The following EIF4A3 variants were observed in gnomAD, a reference collection of about 807,000 sequenced individuals.
EIF4A3 encodes eukaryotic initiation factor 4A-III.
A neutral mutation model predicts 55.6 loss-of-function variants in EIF4A3; 1 was observed. That is an observed-to-expected ratio of 0.02 (90% CI 0.01 to 0.09). EIF4A3 has a LOEUF of 0.09. EIF4A3 is among the 10% of genes least tolerant of loss of function. The pLI is 1.00. For missense variants in EIF4A3, 221 were observed against 540.7 expected (o/e 0.41, Z 5.86); for synonymous variants, 194 against 196.3 (o/e 0.99, Z 0.10).
chr17:80,139,271 A>G, intron 6 of EIF4A3, 109 bp from the exon 7 acceptor site: 1 of 1,434,664 alleles, frequency 7.0e-7, no homozygotes. Context: ...GTGATAAGGT[A>G]CGTTTGACAG....
intron 1 of EIF4A3, among the ~76,000 whole-genome samples, chr17:80,145,251 A>T (rs2039649866): frequency 6.6e-6 from 1 of 152,146 alleles, no homozygotes; most frequent in African/African-American, 2.4e-5. Flanking sequence ...CACTTTGTCC[A>T]AACTGTTGTG....
intron 1 of EIF4A3, among the ~76,000 whole-genome samples, chr17:80,146,536 T>C (rs1232609449): frequency 1.3e-5 from 2 of 152,284 alleles, no homozygotes; most frequent in East Asian, 3.9e-4. Context: ...CTGAGGTGCC[T>C]CGAAGCGGCT....
chr17:80,141,379 A>G lies in EIF4A3; in HGVS notation c.312T>C (p.Val104=), dbSNP rs754091837. ...ISVLQCLDIQ[V]RETQALILAP... ...CCAAGATCAAAGCTTGAGTTTCACG[A>G]ACCTGGTGAAATAATTTATCAGAAA... is the stretch of plus-strand genomic sequence containing the variant. Residue 104 remains valine (V), a splice_region_variant and synonymous_variant, in exon 4 of 12, where the codon GTT becomes GTC. Transcript: ENST00000649764. The G allele has an allele frequency of 8.7e-6, 14 of 1,613,804 alleles. No individual in the cohort carries two copies. In the South Asian group the frequency reaches 1.3e-4, roughly 15 times the overall value.
At chr17:80,138,516 G>C (rs1470451679) in intron 7 of EIF4A3, 2 of 481,228 alleles carry the variant, frequency 4.2e-6, no homozygotes, top group Non-Finnish European at 7.3e-6. Flanking sequence ...GATTCTAAAC[G>C]AAACACTGAT....
At position 80,134,942 on chromosome 17, in the gene EIF4A3, G is replaced by A. The variant is rs1598602365; in HGVS notation, c.*548C>T. Among the ~76,000 whole-genome samples, 2 of 152,078 alleles carry A rather than the reference G, an allele frequency of 1.3e-5. No individual in the cohort carries two copies. Among genetic ancestry groups the A allele is most frequent in the East Asian group, 3.9e-4 (2 of 5,180 alleles). On this transcript the variant is annotated 3_prime_UTR_variant, in exon 12 of 12. Transcript: ENST00000649764. ...CGAGGTGGGTGGATCACGAGGTCAG[G>A]AGATCGAGACCATCTTGGCTAACAC... is the stretch of plus-strand genomic sequence containing the variant.
intron 6 of EIF4A3, 99 bp from the exon 7 acceptor site, chr17:80,139,261 G>C (rs761661436): frequency 5.6e-5 from 84 of 1,490,958 alleles, no homozygotes; most frequent in Non-Finnish European, 6.3e-5. Flanking sequence ...AGGCAGAGTG[G>C]TGATAAGGTA....
Position 80,135,303 on chromosome 17 carries a change from T to C in EIF4A3, c.*187A>G. The stretch of plus-strand genomic sequence containing the variant: ...TTAATGAAAAAGACTTAGAACAATG[T>C]ATTATTTACATGTAAATAAGAAAAG... On this transcript the variant is annotated 3_prime_UTR_variant, in exon 12 of 12. Coordinates refer to ENST00000649764, the MANE Select transcript of EIF4A3 (RefSeq NM_014740.4). The C allele has an allele frequency of 1.7e-6, 1 of 578,558 alleles. No individual in the cohort carries two copies. Among genetic ancestry groups the C allele is most frequent in the Non-Finnish European group, 2.9e-6 (1 of 344,592 alleles). 35.8% of individuals were successfully genotyped at this position (578,558 alleles called of 1,614,324 possible). A position where few individuals can be genotyped will look rare whatever the true frequency, so the allele number is the denominator to read the frequency against.
In EIF4A3 at chr17:80,140,311, T is replaced by G. The variant is rs1365540621; in HGVS notation, c.373-171A>C. On this transcript the variant is annotated intron_variant, in intron 4 of 11. Coordinates refer to ENST00000649764, the MANE Select transcript of EIF4A3 (RefSeq NM_014740.4). ...TTCTCTGACAAAAACAAGTTAATTT[T>G]GCTTTTTTTTTTTTTTTTTTGAGAC... The G allele has an allele frequency of 3.7e-5, 33 of 881,904 alleles. No homozygotes were observed. In the East Asian group the frequency reaches 1.1e-3, roughly 30 times the overall value. 54.6% of individuals were successfully genotyped at this position (881,904 alleles called of 1,614,324 possible).
rs1394620521 is a variant in EIF4A3, at chr17:80,135,224, G to A, written c.*266C>T. 2.6e-6 allele frequency: 1 copy of A among 385,682 alleles called. No homozygotes were observed. 23.9% of individuals were successfully genotyped at this position (385,682 alleles called of 1,614,324 possible). A position where few individuals can be genotyped will look rare whatever the true frequency, so the allele number is the denominator to read the frequency against. On this transcript the variant is annotated 3_prime_UTR_variant, in exon 12 of 12. Coordinates refer to ENST00000649764, the MANE Select transcript of EIF4A3 (RefSeq NM_014740.4). ...CCCAAGACTACACAGTAAGTTACTA[G>A]AGAAGGTGGTGGCACCTTAGAAGTA...
chr17:80,139,511 AG>A, intron 6 of EIF4A3, 158 bp downstream of exon 6: 1 of 693,620 alleles, frequency 1.4e-6, no homozygotes, highest in South Asian at 2.0e-5. Flanking sequence ...AAATCAAGGT[AG>A]GAATTTTTTG....
At position 80,138,506 on chromosome 17, in the gene EIF4A3, G is replaced by A. The variant is rs1051670870; in HGVS notation, c.729-226C>T. The A allele has an allele frequency of 4.7e-5, 24 of 514,630 alleles. No homozygotes were observed. The East Asian group carries it at 6.6e-4, about 14-fold the overall frequency. 31.9% of individuals were successfully genotyped at this position (514,630 alleles called of 1,614,324 possible). A position where few individuals can be genotyped will look rare whatever the true frequency, so the allele number is the denominator to read the frequency against. ...TCACAATGTGCACCACATGGAATAC[G>A]ATTCTAAACGAAACACTGATAAATA... is the stretch of plus-strand genomic sequence containing the variant. On this transcript the variant is annotated intron_variant, in intron 7 of 11. Transcript: ENST00000649764.
chr17:80,146,702 G>T, intron 1 of EIF4A3, 91 bp downstream of exon 1: 1 of 1,444,250 alleles, frequency 6.9e-7, no homozygotes, highest in African/African-American at 1.5e-5. Flanking sequence ...CCGGAGCGCA[G>T]GGCCGGCCCG....
chr17:80,135,442 G>A lies in EIF4A3; in HGVS notation c.*48C>T. 6.5e-7 allele frequency: 1 copy of A among 1,538,886 alleles called. No homozygotes were observed. Among genetic ancestry groups the A allele is most frequent in the Non-Finnish European group, 8.7e-7 (1 of 1,144,046 alleles). On this transcript the variant is annotated 3_prime_UTR_variant, in exon 12 of 12. Coordinates refer to ENST00000649764, the MANE Select transcript of EIF4A3 (RefSeq NM_014740.4). ...TCTGGATCTAAATACTTCCAAACAG[G>A]AGTACACAGCAGGTGAACAGTCTCC...
chr17:80,138,084 T>C, intron 8 of EIF4A3, 58 bp downstream of exon 8: 1 of 1,582,502 alleles, frequency 6.3e-7, no homozygotes, highest in Non-Finnish European at 8.6e-7. Flanking sequence ...TTTATGTCAT[T>C]CAGAGACTCA....
Position 80,135,436 on chromosome 17 carries a change from A to G in EIF4A3, c.*54T>C. ...GTAGAATCTGGATCTAAATACTTCCAAACAGGAGTACACAGCAGGTGAACA... is the reference window on the plus strand; with the variant it reads ...GTAGAATCTGGATCTAAATACTTCCGAACAGGAGTACACAGCAGGTGAACA... On this transcript the variant is annotated 3_prime_UTR_variant, in exon 12 of 12. Coordinates refer to ENST00000649764, the MANE Select transcript of EIF4A3 (RefSeq NM_014740.4). The G allele has an allele frequency of 6.5e-7, 1 of 1,529,010 alleles. No homozygotes were observed. The highest frequency in any genetic ancestry group is 2.5e-5 in the East Asian group (1 of 40,786). The allele number at this position is 1,529,010 out of a possible 1,614,324, so 94.7% of individuals were successfully genotyped here.
chr17:80,135,591 C>A (rs1433644362), intron 11 of EIF4A3, 85 bp from the exon 12 acceptor site: 6 of 1,276,518 alleles, frequency 4.7e-6, no homozygotes, highest in Admixed American at 2.2e-5. Context: ...AACCTCACAA[C>A]AGACTTCTCA....
At chr17:80,142,671 G>A (rs1286461144) in intron 2 of EIF4A3, among the ~76,000 whole-genome samples, 2 of 151,776 alleles carry the variant, frequency 1.3e-5, no homozygotes, top group Non-Finnish European at 2.9e-5. Flanking sequence ...CTTAATCCTC[G>A]AAGTTAGAGG....
rs1418463293 is a variant in EIF4A3 at position 80,134,547 on chromosome 17, G to C, written c.*943C>G. 1.3e-5 allele frequency among the ~76,000 whole-genome samples: 2 copies of C among 152,086 alleles called. No individual in the cohort carries two copies. The highest frequency in any genetic ancestry group is 6.5e-5 in the Admixed American group (1 of 15,274). On this transcript the variant is annotated 3_prime_UTR_variant, in exon 12 of 12. Coordinates refer to ENST00000649764, the MANE Select transcript of EIF4A3 (RefSeq NM_014740.4). Reference sequence around the variant, plus strand: ...AAAAAAAATTAGAAAAATGAGGCCAGGCATGGTGGCTCACACCTGTTATCC... The same window carrying C: ...AAAAAAAATTAGAAAAATGAGGCCACGCATGGTGGCTCACACCTGTTATCC...
Position 80,138,163 on chromosome 17 carries a change from G to A in EIF4A3, c.846C>T (p.Ile282=), listed in dbSNP as rs1264235819. 1.9e-6 allele frequency: 3 copies of A among 1,613,938 alleles called. No homozygotes were observed. Among genetic ancestry groups the A allele is most frequent in the African/African-American group, 1.3e-5 (1 of 74,898 alleles). ...TTACCTTTCTTTTGGTGTTGCAGAA[G>A]ATGACCGCCTGAGTGATGGTCAGTG... ...YDTLTITQAV[I]FCNTKRKVDW... Residue 282 remains isoleucine (I), a synonymous_variant, in exon 8 of 12, where the codon ATC becomes ATT. Coordinates refer to ENST00000649764, the MANE Select transcript of EIF4A3 (RefSeq NM_014740.4).
Sources: allele counts gnomAD v4.1 joint callset (sites outside exome capture counted in the v4.1 genomes callset), GRCh38; gene constraint gnomAD v4.1.1; transcripts MANE v1.5; gene names NCBI Gene and HGNC (gene_info 2026-07-23, HGNC 2026-07-21).